CENPQ: variants seen among roughly 807,000 people sequenced by gnomAD.
CENPQ encodes the protein centromere protein Q.
CENPQ carries 27 observed loss-of-function variants against 36.6 expected under a neutral mutation model. The observed-to-expected ratio is 0.74, with a 90% CI of 0.54 to 1.02. The LOEUF (loss-of-function observed/expected upper bound fraction) is 1.02. CENPQ is among the 50% of genes least tolerant of loss of function. The pLI is 0.00. For synonymous variants in CENPQ, 101 were observed against 101.7 expected, an observed-to-expected ratio of 0.99 and a Z score of 0.04; for missense variants, 306 against 301.8, an observed-to-expected ratio of 1.01 and a Z score of -0.10.
intron 3 of CENPQ, 56 bp from the exon 4 acceptor site, chr6:49,472,007 G>A: frequency 6.6e-7 from 1 of 1,507,772 alleles, no homozygotes; most frequent in Non-Finnish European, 8.9e-7. Context: ...CCATTTTTAA[G>A]CAAAAACATG....
rs985909229 is a variant in CENPQ at position 49,472,151 on chromosome 6, C to T, written c.246C>T (p.Asp82=). 3 of 1,611,502 alleles carry T rather than the reference C, an allele frequency of 1.9e-6. No homozygotes were observed. The African/African-American group carries it at 4.0e-5, about 22-fold the overall frequency. ...TWQPLSKSTR[D]HLQTMMESVI... is the part of the protein sequence containing the mutation. ...AACCTCTGTCAAAGAGTACCAGAGA[C>T]CATTTGCAAACTATGATGGAATCAG... The change falls in exon 4 of 9, where the codon GAC becomes GAT. Residue 82 remains aspartate (D), a synonymous_variant. Coordinates refer to ENST00000335783, the MANE Select transcript of CENPQ (RefSeq NM_018132.4).
At chr6:49,472,289 A>G (rs1768160630) in intron 4 of CENPQ, 106 bp downstream of exon 4, 1 of 898,828 alleles carries the variant, frequency 1.1e-6, no homozygotes. Context: ...AATAGAGTAT[A>G]TTTCTATTTC....
intron 6 of CENPQ, among the ~76,000 whole-genome samples, chr6:49,486,632 C>A (rs1768586259): frequency 6.6e-6 from 1 of 151,952 alleles, no homozygotes; most frequent in Non-Finnish European, 1.5e-5. Flanking sequence ...AAAAAAAACT[C>A]CAATTTATGA....
intron 5 of CENPQ, among the ~76,000 whole-genome samples, chr6:49,473,663 CAT>C (rs775139015): frequency 9.2e-5 from 14 of 152,164 alleles, no homozygotes; most frequent in Non-Finnish European, 1.8e-4. Flanking sequence ...CAAATTCACA[CAT>C]AACAATATTA....
chr6:49,483,791 G>A (rs1046612698), intron 6 of CENPQ, among the ~76,000 whole-genome samples: 9 of 152,172 alleles, frequency 5.9e-5, no homozygotes, highest in African/African-American at 9.6e-5. Context: ...TCCCGCTCGC[G>A]CCTCTCCCTC....
At chr6:49,485,597 A>G (rs1348013752) in intron 6 of CENPQ, among the ~76,000 whole-genome samples, 1 of 152,208 alleles carries the variant, frequency 6.6e-6, no homozygotes, top group Non-Finnish European at 1.5e-5. Context: ...AGTATAGGGG[A>G]AAAATTATAA....
chr6:49,474,033 C>T (rs1241821509), intron 5 of CENPQ, among the ~76,000 whole-genome samples: 1 of 152,076 alleles, frequency 6.6e-6, no homozygotes, highest in African/African-American at 2.4e-5. Context: ...CCTTAGAGAC[C>T]TACAAAGAGA....
At chr6:49,471,608 A>G (rs1352245109) in intron 3 of CENPQ, among the ~76,000 whole-genome samples, 1 of 152,136 alleles carries the variant, frequency 6.6e-6, no homozygotes, top group Non-Finnish European at 1.5e-5. Flanking sequence ...CATGAGATCC[A>G]GTACTATTTC....
intron 6 of CENPQ, among the ~76,000 whole-genome samples, chr6:49,485,582 T>A (rs1355761823): frequency 6.6e-6 from 1 of 151,930 alleles, no homozygotes; most frequent in Non-Finnish European, 1.5e-5. Context: ...GAAAAAATGA[T>A]AGAAAGTATA....
At chr6:49,488,800 G>T in intron 8 of CENPQ, 116 bp downstream of exon 8, 2 of 773,776 alleles carry the variant, frequency 2.6e-6, no homozygotes, top group Admixed American at 2.0e-5. Context: ...CAAATGTTTT[G>T]GTTTCCCACG....
chr6:49,489,379 G>C (rs1768666550), intron 8 of CENPQ, among the ~76,000 whole-genome samples: 1 of 152,138 alleles, frequency 6.6e-6, no homozygotes, highest in South Asian at 2.1e-4. Flanking sequence ...CAGCAATTCA[G>C]GTACATCTTC....
At chr6:49,467,982 A>G (rs1189367937) in intron 1 of CENPQ, among the ~76,000 whole-genome samples, 1 of 152,174 alleles carries the variant, frequency 6.6e-6, no homozygotes, top group East Asian at 1.9e-4. Context: ...GTAGTAGGAG[A>G]GAAGTATGAA....
intron 6 of CENPQ, among the ~76,000 whole-genome samples, chr6:49,483,982 T>C (rs1768519796): frequency 6.6e-6 from 1 of 152,252 alleles, no homozygotes; most frequent in African/African-American, 2.4e-5. Context: ...CACCTGTCAG[T>C]AGCAGTCCTA....
intron 6 of CENPQ, among the ~76,000 whole-genome samples, chr6:49,482,931 G>T (rs193287247): frequency 3.9e-5 from 6 of 152,282 alleles, no homozygotes; most frequent in African/African-American, 1.4e-4. Context: ...AGGCAGCGTG[G>T]ACCCAAAGAG....
intron 5 of CENPQ, among the ~76,000 whole-genome samples, chr6:49,479,918 A>AAT (rs1372684197): frequency 6.6e-6 from 1 of 152,166 alleles, no homozygotes; most frequent in Non-Finnish European, 1.5e-5. Context: ...CTAAACATTG[A>AAT]ATATATATGG....
intron 1 of CENPQ, among the ~76,000 whole-genome samples, chr6:49,464,051 T>G (rs1411645649): frequency 6.6e-6 from 1 of 152,182 alleles, no homozygotes; most frequent in Admixed American, 6.5e-5. Context: ...CTGTTTTCCC[T>G]TGGATGCTTC....
chr6:49,467,559 TATG>T (rs754317914), intron 1 of CENPQ, among the ~76,000 whole-genome samples: 10 of 152,364 alleles, frequency 6.6e-5, no homozygotes, highest in Middle Eastern at 3.4e-3. Context: ...CTAATTATTT[TATG>T]ATAAGGTTCA....
At position 49,470,998 on chromosome 6, in the gene CENPQ, A is replaced by T. The variant is rs747747903; in HGVS notation, c.127A>T (p.Lys43Ter). Residue 43 changes from lysine to a stop codon, truncating the protein, a stop_gained, in exon 3 of 9, where the codon AAA becomes TAA. Coordinates refer to ENST00000335783, the MANE Select transcript of CENPQ (RefSeq NM_018132.4). LOFTEE classifies it high-confidence loss of function. ...GGTTAGAAACACAGTGAAAAAAAATAAAAATCATCTGAAAGATCTGTCTTC... is the reference window on the plus strand; with the variant it reads ...GGTTAGAAACACAGTGAAAAAAAATTAAAATCATCTGAAAGATCTGTCTTC... ...NKVRNTVKKN[K>*]NHLKDLSSEG... The T allele has an allele frequency of 6.5e-7, 1 of 1,533,748 alleles. No individual in the cohort carries two copies. The highest frequency in any genetic ancestry group is 2.3e-5 in the East Asian group (1 of 42,894).
intron 5 of CENPQ, among the ~76,000 whole-genome samples, chr6:49,477,569 A>T (rs1273965780): frequency 5.3e-5 from 8 of 151,724 alleles, no homozygotes; most frequent in East Asian, 3.9e-4. Flanking sequence ...AGTATAATAA[A>T]AAAAAAAAAA....
Sources: allele counts gnomAD v4.1 joint callset (sites outside exome capture counted in the v4.1 genomes callset), GRCh38; gene constraint gnomAD v4.1.1; transcripts MANE v1.5; gene names NCBI Gene and HGNC (gene_info 2026-07-23, HGNC 2026-07-21).